INTS13: variants seen among roughly 807,000 people sequenced by gnomAD.
The protein encoded by INTS13 is asunder, spermatogenesis regulator homolog (Drosphila).
Under a neutral mutation model 90.2 loss-of-function variants are expected in INTS13, and 35 were observed. The ratio of observed to expected loss-of-function variants is 0.39; its 90% CI spans 0.30 to 0.51. The LOEUF is 0.51. Ranked by LOEUF, INTS13 falls within the 20% of genes least tolerant of loss-of-function variation. INTS13 has a pLI of 0.80. For missense variants in INTS13, 601 were observed against 851.2 expected (o/e 0.71, Z 3.66); for synonymous variants, 309 against 277.1 (o/e 1.11, Z -1.14).
chr12:26,918,134 A>G (rs1951996918), intron 8 of INTS13, among the ~76,000 whole-genome samples: 1 of 151,780 alleles, frequency 6.6e-6, no homozygotes, highest in South Asian at 2.1e-4. Flanking sequence ...AAAAATAAAT[A>G]AAATAATAAT....
intron 2 of INTS13, 88 bp from the exon 3 acceptor site, chr12:26,934,718 C>T: frequency 3.2e-6 from 3 of 927,638 alleles, no homozygotes; most frequent in Non-Finnish European, 5.3e-6. Flanking sequence ...ATTTGTAACA[C>T]TGTTTCACTG....
chr12:26,934,215 G>C (rs1264628734), intron 3 of INTS13, among the ~76,000 whole-genome samples: 1 of 152,142 alleles, frequency 6.6e-6, no homozygotes, highest in Non-Finnish European at 1.5e-5. Flanking sequence ...AGGTTGCAGT[G>C]AGCCGAGATG....
At chr12:26,921,157 G>C (rs1051356761) in intron 8 of INTS13, among the ~76,000 whole-genome samples, 10 of 152,190 alleles carry the variant, frequency 6.6e-5, no homozygotes, top group Non-Finnish European at 1.2e-4. Flanking sequence ...GGTCTTGCCA[G>C]TTGGTGGCAA....
intron 8 of INTS13, 40 bp from the exon 9 acceptor site, chr12:26,917,773 G>A (rs780847611): frequency 1.7e-6 from 2 of 1,203,162 alleles, no homozygotes; most frequent in Admixed American, 1.8e-5. Flanking sequence ...TTGTATACAT[G>A]TATCAAAACA....
intron 15 of INTS13, among the ~76,000 whole-genome samples, chr12:26,910,519 T>C (rs1951739630): frequency 6.6e-6 from 1 of 152,180 alleles, no homozygotes; most frequent in Admixed American, 6.5e-5. Flanking sequence ...GATAGTTTTA[T>C]AAGGGGCTTC....
chr12:26,917,324 G>T, intron 10 of INTS13, 28 bp downstream of exon 10: 1 of 872,332 alleles, frequency 1.1e-6, no homozygotes, highest in Non-Finnish European at 1.7e-6. Context: ...AATAATTTCA[G>T]TCAAAACCAT....
At chr12:26,934,689 T>A (rs1592235442) in intron 2 of INTS13, 59 bp from the exon 3 acceptor site, 1 of 1,187,700 alleles carries the variant, frequency 8.4e-7, no homozygotes, top group African/African-American at 1.5e-5. Context: ...ATCACCAACA[T>A]ATTTTCAAGT....
chr12:26,937,660 C>T (rs1938546237), intron 1 of INTS13, 136 bp downstream of exon 1: 2 of 152,272 alleles, frequency 1.3e-5, no homozygotes, highest in South Asian at 4.1e-4. Flanking sequence ...ATTTTCACCT[C>T]TTGCTTTCAA....
At chr12:26,938,053 G>T (rs563006602), upstream of INTS13, 2 of 152,820 alleles carry the variant, frequency 1.3e-5, no homozygotes, top group East Asian at 1.9e-4. Flanking sequence ...CCGATAGCCC[G>T]GCCAAGCCTC....
At chr12:26,930,707 C>G (rs1938141912) in intron 3 of INTS13, among the ~76,000 whole-genome samples, 1 of 152,144 alleles carries the variant, frequency 6.6e-6, no homozygotes, top group African/African-American at 2.4e-5. Context: ...ACTAGCATAC[C>G]TATCCATCAA....
intron 1 of INTS13, among the ~76,000 whole-genome samples, chr12:26,937,277 G>C (rs575453572): frequency 1.3e-5 from 2 of 152,156 alleles, no homozygotes; most frequent in African/African-American, 4.8e-5. Flanking sequence ...GGCGGGTAGG[G>C]GTGCGGAATT....
chr12:26,908,632 G>A (rs1413709225), intron 15 of INTS13, among the ~76,000 whole-genome samples: 3 of 151,892 alleles, frequency 2.0e-5, no homozygotes, highest in Non-Finnish European at 4.4e-5. Flanking sequence ...CTTAAGTACA[G>A]TGTATACAGC....
chr12:26,928,108 G>T, intron 5 of INTS13, 97 bp downstream of exon 5: 2 of 828,310 alleles, frequency 2.4e-6, no homozygotes, highest in Non-Finnish European at 3.7e-6. Flanking sequence ...AGTCAATAGA[G>T]AATTCAGGGA....
intron 3 of INTS13, among the ~76,000 whole-genome samples, chr12:26,932,108 CT>C (rs1938229274): frequency 7.1e-6 from 1 of 141,188 alleles, no homozygotes; most frequent in South Asian, 2.2e-4. Context: ...AAAAAAAACA[CT>C]CATAAACCAA....
At chr12:26,922,973 A>C (rs1382320853) in intron 7 of INTS13, among the ~76,000 whole-genome samples, 1 of 151,988 alleles carries the variant, frequency 6.6e-6, no homozygotes, top group Admixed American at 6.5e-5. Context: ...AGAAATTTTG[A>C]ATTTTTTTTA....
intron 7 of INTS13, among the ~76,000 whole-genome samples, 185 bp downstream of exon 7, chr12:26,924,170 T>G (rs1338250291): frequency 6.6e-6 from 1 of 152,162 alleles, no homozygotes; most frequent in Non-Finnish European, 1.5e-5. Flanking sequence ...TTTATTTTTT[T>G]AATATTGAGA....
rs1161324541 is a variant in INTS13 at position 26,937,969 on chromosome 12, T to A, written c.-185A>T. 1 of 152,328 alleles carries A rather than the reference T, an allele frequency of 6.6e-6. No individual in the cohort carries two copies. The highest frequency in any genetic ancestry group is 1.5e-5 in the Non-Finnish European group (1 of 68,152). 9.4% of individuals were successfully genotyped at this position (152,328 alleles called of 1,614,324 possible). A position where few individuals can be genotyped will look rare whatever the true frequency, so the allele number is the denominator to read the frequency against. ...CTAGCACACCGGTCCTTCCCAGGCT[T>A]CCTAAGAGCAGGAGCGCGCGTGCGC... On this transcript the variant is annotated 5_prime_UTR_variant, in exon 1 of 17. Coordinates refer to ENST00000261191, the MANE Select transcript of INTS13 (RefSeq NM_018164.3).
intron 10 of INTS13, among the ~76,000 whole-genome samples, chr12:26,916,889 T>C (rs1328596207): frequency 6.6e-6 from 1 of 152,202 alleles, no homozygotes; most frequent in Non-Finnish European, 1.5e-5. Flanking sequence ...ATAATATTTA[T>C]TTATGATAAA....
chr12:26,912,195 G>A (rs1002126094), intron 14 of INTS13, among the ~76,000 whole-genome samples: 1 of 152,132 alleles, frequency 6.6e-6, no homozygotes, highest in East Asian at 1.9e-4. Context: ...AAGCACTTTG[G>A]GAGACCAAGA....
Sources: allele counts gnomAD v4.1 joint callset (sites outside exome capture counted in the v4.1 genomes callset), GRCh38; gene constraint gnomAD v4.1.1; transcripts MANE v1.5; gene names NCBI Gene and HGNC (gene_info 2026-07-23, HGNC 2026-07-21).